The following CHRM2 variants were observed in gnomAD, a reference collection of about 807,000 sequenced individuals.
The protein encoded by CHRM2 is cholinergic receptor muscarinic 2, also known as muscarinic acetylcholine receptor M2.
CHRM2 carries 8 observed loss-of-function variants against 25.0 expected under a neutral mutation model. That is an observed-to-expected ratio of 0.32 (90% confidence interval 0.19 to 0.58). CHRM2 has a LOEUF of 0.58. Among genes scored for constraint, CHRM2 ranks in the 20% least tolerant of loss-of-function variants. CHRM2 has a pLI of 0.88. For missense variants in CHRM2, 440 were observed against 567.1 expected (o/e 0.78, Z 2.28); for synonymous variants, 202 against 205.7 (o/e 0.98, Z 0.15).
intron 2 of CHRM2, chr7:136,906,962 C>G (rs576579883): frequency 6.5e-6 from 1 of 154,064 alleles, no homozygotes; most frequent in Non-Finnish European, 1.4e-5. Context: ...CTAGATGGCC[C>G]CATCTGGGGG....
chr7:136,874,820 A>G (rs1414747621), intron 2 of CHRM2, among the ~76,000 whole-genome samples: 3 of 151,920 alleles, frequency 2.0e-5, no homozygotes, highest in Non-Finnish European at 4.4e-5. Context: ...TTTACTATGT[A>G]TACAGTTATG....
intron 2 of CHRM2, among the ~76,000 whole-genome samples, chr7:136,985,562 T>TCATGG (rs1229479587): frequency 6.9e-6 from 1 of 144,566 alleles, no homozygotes; most frequent in East Asian, 2.0e-4. Flanking sequence ...ATATCCTGAG[T>TCATGG]CATGGCATTG....
intron 3 of CHRM2, among the ~76,000 whole-genome samples, chr7:137,001,082 C>A (rs1213174919): frequency 6.6e-6 from 1 of 152,120 alleles, no homozygotes; most frequent in Admixed American, 6.6e-5. Flanking sequence ...TTTTAAAGCA[C>A]AGCTTGGAAA....
At chr7:137,001,765 G>C (rs1804050412) in intron 3 of CHRM2, among the ~76,000 whole-genome samples, 1 of 152,098 alleles carries the variant, frequency 6.6e-6, no homozygotes, top group Non-Finnish European at 1.5e-5. Context: ...CTGAATTCTA[G>C]GATGACAAGG....
chr7:137,016,178 C>T lies in CHRM2; in HGVS notation c.1313C>T (p.Ala438Val). 6.2e-7 allele frequency: 1 copy of T among 1,613,068 alleles called. No homozygotes were observed. The highest frequency in any genetic ancestry group is 8.5e-7 in the Non-Finnish European group (1 of 1,179,352). ...LCYINSTINPACYALCNATFK... is the reference protein window; with the variant it reads ...LCYINSTINPVCYALCNATFK... Reference sequence around the variant, plus strand: ...TACATCAACAGCACTATCAACCCTGCCTGCTATGCACTTTGCAATGCCACC... The same window carrying T: ...TACATCAACAGCACTATCAACCCTGTCTGCTATGCACTTTGCAATGCCACC... Residue 438 changes from alanine (A) to valine (V), a missense_variant, in exon 4 of 4, where the codon GCC (alanine) becomes GTC (valine). By Grantham distance (64) the Ala-to-Val change is moderately conservative. This residue lies in a region of CHRM2 where 65 missense variants were observed against 108.9 expected (regional missense o/e 0.60). Coordinates refer to ENST00000680005, the MANE Select transcript of CHRM2 (RefSeq NM_001006630.2).
intron 3 of CHRM2, among the ~76,000 whole-genome samples, chr7:137,004,681 T>C (rs1804301619): frequency 6.6e-6 from 1 of 152,174 alleles, no homozygotes; most frequent in South Asian, 2.1e-4. Flanking sequence ...ATTTACCACA[T>C]AAACCTCTTC....
intron 2 of CHRM2, chr7:136,908,027 A>G (rs567821784): frequency 2.0e-5 from 3 of 152,096 alleles, no homozygotes; most frequent in African/African-American, 2.4e-5. Flanking sequence ...TTATACTTCA[A>G]GTATGACTAT....
intron 2 of CHRM2, among the ~76,000 whole-genome samples, chr7:136,961,928 T>C (rs1272043753): frequency 2.0e-5 from 3 of 152,054 alleles, no homozygotes; most frequent in African/African-American, 7.2e-5. Flanking sequence ...CTTGGATTGC[T>C]TGGTTCACAT....
chr7:136,908,044 A>G (rs115698444), intron 2 of CHRM2: 1 of 151,974 alleles, frequency 6.6e-6, no homozygotes, highest in Non-Finnish European at 1.5e-5. Flanking sequence ...CTATCAATTT[A>G]TTGATGGGAA....
chr7:136,926,743 G>A (rs572003573), intron 2 of CHRM2, among the ~76,000 whole-genome samples: 3 of 152,140 alleles, frequency 2.0e-5, no homozygotes, highest in African/African-American at 4.8e-5. Context: ...ACTCCTCTGC[G>A]TACTATATAC....
At chr7:137,011,194 CGTGTGTGTGT>C (rs146093146) in intron 3 of CHRM2, among the ~76,000 whole-genome samples, 3 of 136,362 alleles carry the variant, frequency 2.2e-5, no homozygotes, top group African/African-American at 9.3e-5. Flanking sequence ...TATATGTGTA[CGTGTGTGTGT>C]GTGTGTGTGT....
chr7:136,878,416 G>C (rs1348212183), intron 2 of CHRM2, among the ~76,000 whole-genome samples: 4 of 151,820 alleles, frequency 2.6e-5, no homozygotes, highest in African/African-American at 9.7e-5. Context: ...AGATGATATA[G>C]GTTTAATTTC....
chr7:136,894,592 G>A (rs1009791514), intron 2 of CHRM2, among the ~76,000 whole-genome samples: 1 of 151,976 alleles, frequency 6.6e-6, no homozygotes, highest in African/African-American at 2.4e-5. Context: ...GGCTGGTCTC[G>A]AACTCCTGAC....
Position 137,015,213 on chromosome 7 carries a change from C to A in CHRM2, c.348C>A (p.Ile116=), listed in dbSNP as rs1325393510. The change falls in exon 4 of 4, where the codon ATC becomes ATA. Residue 116 remains isoleucine (I), a synonymous_variant. Transcript: ENST00000680005. This position sits in a 1 kb window ranked among gnomAD's most constrained non-coding sequence, Gnocchi z 5.1. ...ATGCCTCAGTTATGAATCTGCTCAT[C>A]ATCAGCTTTGACAGGTACTTCTGTG... ...VSNASVMNLL[I]ISFDRYFCVT... The A allele has an allele frequency of 6.2e-7, 1 of 1,613,398 alleles. No individual in the cohort carries two copies. Among genetic ancestry groups the A allele is most frequent in the Non-Finnish European group, 8.5e-7 (1 of 1,179,614 alleles).
intron 2 of CHRM2, among the ~76,000 whole-genome samples, chr7:136,969,581 A>T (rs1208496021): frequency 6.6e-6 from 1 of 152,132 alleles, no homozygotes; most frequent in East Asian, 1.9e-4. Flanking sequence ...CCTTGCACAC[A>T]TTCTTGTCTT....
intron 3 of CHRM2, among the ~76,000 whole-genome samples, chr7:136,992,873 T>C (rs1268888476): frequency 6.6e-6 from 1 of 152,138 alleles, no homozygotes; most frequent in East Asian, 1.9e-4. Flanking sequence ...AATCTTGAGG[T>C]AGAATTTATT....
At chr7:136,881,972 C>A (rs1796283213) in intron 2 of CHRM2, among the ~76,000 whole-genome samples, 1 of 151,990 alleles carries the variant, frequency 6.6e-6, no homozygotes, top group African/African-American at 2.4e-5. Context: ...CATACTGACC[C>A]CTAAATAACC....
intron 2 of CHRM2, among the ~76,000 whole-genome samples, chr7:136,906,360 T>C (rs1263542698): frequency 6.6e-6 from 1 of 151,076 alleles, no homozygotes; most frequent in Non-Finnish European, 1.5e-5. Flanking sequence ...ATGTTATACA[T>C]ATATGTATGT....
At chr7:136,994,613 C>T (rs1803467311) in intron 3 of CHRM2, among the ~76,000 whole-genome samples, 1 of 147,728 alleles carries the variant, frequency 6.8e-6, no homozygotes, top group Non-Finnish European at 1.5e-5. Flanking sequence ...TCACCGCAAC[C>T]TCCTCCTCGT....
Sources: gnomAD v4.1 joint callset for allele counts (sites outside exome capture counted in the v4.1 genomes callset) on GRCh38, gnomAD v4.1.1 for gene constraint, gnomAD v4.1.1 regional missense constraint, Gnocchi (gnomAD v3.1) non-coding constraint, MANE v1.5 for transcripts, NCBI Gene and HGNC (gene_info 2026-07-23, HGNC 2026-07-21) for gene names.